Variants in RAB3GAP1 observed in about 807,000 individuals in gnomAD.
The protein encoded by RAB3GAP1 is RAB3 GTPase activating protein catalytic subunit 1, also known as rab3 GTPase-activating protein catalytic subunit.
In RAB3GAP1, 86 loss-of-function variants were observed where a neutral mutation model predicts 130.7. The ratio of observed to expected loss-of-function variants is 0.66; its 90% CI spans 0.55 to 0.79. RAB3GAP1 has a LOEUF of 0.79. Ranked by LOEUF, RAB3GAP1 falls within the 30% of genes least tolerant of loss-of-function variation. RAB3GAP1 has a pLI of 0.00. For synonymous variants in RAB3GAP1, 367 were observed against 401.7 expected (o/e 0.91, Z 1.03); for missense variants, 1,029 against 1,169.4 (o/e 0.88, Z 1.75).
intron 19 of RAB3GAP1, among the ~76,000 whole-genome samples, chr2:135,154,137 G>A (rs1558802073): frequency 6.6e-6 from 1 of 152,158 alleles, no homozygotes; most frequent in East Asian, 1.9e-4. Flanking sequence ...TTAAAAATGG[G>A]TATGTCCTTT....
chr2:135,112,347 G>T (rs991961939), intron 5 of RAB3GAP1, among the ~76,000 whole-genome samples: 3 of 152,214 alleles, frequency 2.0e-5, no homozygotes, highest in Admixed American at 1.3e-4. Flanking sequence ...TTAGTTAAGG[G>T]TTCAAAGGCA....
intron 11 of RAB3GAP1, among the ~76,000 whole-genome samples, chr2:135,127,187 C>CTT (rs528853214): frequency 3.0e-5 from 4 of 133,534 alleles, no homozygotes; most frequent in Admixed American, 7.5e-5. Flanking sequence ...GATGCTTTTT[C>CTT]TTTTTTTTTT....
intron 17 of RAB3GAP1, among the ~76,000 whole-genome samples, chr2:135,146,971 AACACACACACAC>A (rs34094441): frequency 3.2e-4 from 47 of 147,530 alleles, no homozygotes; most frequent in Admixed American, 2.6e-3. Context: ...AGGGGGTATA[AACACACACACAC>A]ACACACACAC....
intron 5 of RAB3GAP1, among the ~76,000 whole-genome samples, chr2:135,105,452 T>C (rs916266995): frequency 5.9e-5 from 9 of 152,198 alleles, no homozygotes; most frequent in African/African-American, 2.2e-4. Flanking sequence ...CGGGCTGGTC[T>C]CCAGCTCCTA....
intron 3 of RAB3GAP1, among the ~76,000 whole-genome samples, chr2:135,060,350 C>A (rs1287233868): frequency 6.6e-6 from 1 of 150,828 alleles, no homozygotes; most frequent in African/African-American, 2.4e-5. Context: ...ACCTCCACCT[C>A]CCGGGTTCAA....
chr2:135,150,387 G>A lies in RAB3GAP1; in HGVS notation c.1942G>A (p.Glu648Lys). 2 of 1,614,200 alleles carry A rather than the reference G, an allele frequency of 1.2e-6. No individual in the cohort carries two copies. The highest frequency in any genetic ancestry group is 1.7e-6 in the Non-Finnish European group (2 of 1,180,028). ...TTCACAGGAACCAGCACCTATGACAGAAGATCTGCTAGAAGAGCAGTCTGA... is the reference window on the plus strand; with the variant it reads ...TTCACAGGAACCAGCACCTATGACAAAAGATCTGCTAGAAGAGCAGTCTGA... The part of the protein sequence containing the change: ...PVTQEPAPMT[E>K]DLLEEQSEVL... Residue 648 changes from glutamate to lysine, a missense_variant, in exon 18 of 24, where the codon GAA (glutamate) becomes AAA (lysine). Physicochemically the swap from Glu to Lys is moderately conservative, Grantham distance 56. Coordinates refer to ENST00000264158, the MANE Select transcript of RAB3GAP1 (RefSeq NM_012233.3).
At chr2:135,175,070 G>A (rs1395284510), downstream of RAB3GAP1, among the ~76,000 whole-genome samples, 1 of 152,198 alleles carries the variant, frequency 6.6e-6, no homozygotes, top group Non-Finnish European at 1.5e-5. Context: ...CACAAGCAAT[G>A]GCCTGTCCTC....
intron 8 of RAB3GAP1, 116 bp from the exon 9 acceptor site, chr2:135,124,047 CTT>C (rs1691275010): frequency 2.1e-6 from 2 of 956,174 alleles, no homozygotes; most frequent in Admixed American, 4.1e-5. Context: ...AACTTGCTAA[CTT>C]GCTACATGTG....
At chr2:135,141,818 C>T (rs1049099945) in intron 17 of RAB3GAP1, among the ~76,000 whole-genome samples, 2 of 152,140 alleles carry the variant, frequency 1.3e-5, no homozygotes, top group African/African-American at 4.8e-5. Context: ...CTGCCTTTTC[C>T]CATTGAGTGG....
In RAB3GAP1 at chr2:135,064,171, T is replaced by TA. The variant is rs1398035830; in HGVS notation, c.150+6086dup. ...GCCATCTGACTATGATGTGCACAGATACGTTTTCTTTGTATTTTTGCTGCA... is the reference window on the plus strand; with the variant it reads ...GCCATCTGACTATGATGTGCACAGATAACGTTTTCTTTGTATTTTTGCTGCA... On this transcript the variant is annotated intron_variant, in intron 3 of 23. Coordinates refer to ENST00000264158, the MANE Select transcript of RAB3GAP1 (RefSeq NM_012233.3). Among the ~76,000 whole-genome samples, 8 of 152,290 alleles carry TA rather than the reference T, an allele frequency of 5.3e-5. No individual in the cohort carries two copies. The East Asian group carries it at 1.3e-3, about 26-fold the overall frequency.
chr2:135,052,572 A>T, intron 2 of RAB3GAP1, 87 bp downstream of exon 2: 1 of 1,459,890 alleles, frequency 6.8e-7, no homozygotes, highest in South Asian at 1.1e-5. Context: ...ACCACAAGTG[A>T]CGCCACTTGT....
intron 5 of RAB3GAP1, among the ~76,000 whole-genome samples, chr2:135,097,172 A>G (rs538840058): frequency 1.5e-4 from 23 of 148,950 alleles, no homozygotes; most frequent in African/African-American, 4.7e-4. Context: ...AAAAAGCCCT[A>G]TTGTCCCTTT....
At position 135,118,998 on chromosome 2, in the gene RAB3GAP1, C is replaced by T. The variant is rs377398159; in HGVS notation, c.649-1821C>T. ...CGCCTTCCACACCTCAAGGCATGTG[C>T]CTTGAACCCCACTTATCCTCCAGGG... On this transcript the variant is annotated intron_variant, in intron 7 of 23. Transcript: ENST00000264158. 1.1e-4 allele frequency among the ~76,000 whole-genome samples: 16 copies of T among 152,226 alleles called. No individual in the cohort carries two copies. In the South Asian group the frequency reaches 3.3e-3, roughly 32 times the overall value.
chr2:135,102,383 T>G (rs775722274), intron 5 of RAB3GAP1, among the ~76,000 whole-genome samples: 6 of 152,242 alleles, frequency 3.9e-5, no homozygotes, highest in Non-Finnish European at 7.3e-5. Context: ...GAGACCTGTT[T>G]CAGACTTCTG....
At chr2:135,062,476 A>C (rs994597995) in intron 3 of RAB3GAP1, among the ~76,000 whole-genome samples, 1 of 152,214 alleles carries the variant, frequency 6.6e-6, no homozygotes, top group Non-Finnish European at 1.5e-5. Flanking sequence ...TGTTAATGTA[A>C]ATTCTCCATT....
At chr2:135,121,745 A>T (rs779211433) in intron 8 of RAB3GAP1, among the ~76,000 whole-genome samples, 1 of 152,218 alleles carries the variant, frequency 6.6e-6, no homozygotes, top group Non-Finnish European at 1.5e-5. Context: ...TGTTCCAAAT[A>T]GTTGGCTATT....
chr2:135,142,863 C>A (rs1691882673), intron 17 of RAB3GAP1, among the ~76,000 whole-genome samples: 1 of 150,956 alleles, frequency 6.6e-6, no homozygotes, highest in South Asian at 2.1e-4. Flanking sequence ...CTTGGGCTTT[C>A]CCTTTTTATA....
intron 5 of RAB3GAP1, among the ~76,000 whole-genome samples, chr2:135,112,408 A>G (rs1048760545): frequency 3.9e-5 from 6 of 152,226 alleles, no homozygotes; most frequent in African/African-American, 1.2e-4. Context: ...GCTGAAAGAG[A>G]AACACTTTGG....
In RAB3GAP1 at chr2:135,090,652, T is replaced by A. The variant is rs115992621; in HGVS notation, c.151-346T>A. Among the ~76,000 whole-genome samples, 477 of 152,348 alleles carry A rather than the reference T, an allele frequency of 3.1e-3. 5 individuals carry two copies. The highest frequency in any genetic ancestry group is 5.8e-3 in the South Asian group (28 of 4,826). ...TGCCACTTAAATTGATTGTGCAGACTGCTTCTTTATGAAGCAATTTCTGGT... is the reference window on the plus strand; with the variant it reads ...TGCCACTTAAATTGATTGTGCAGACAGCTTCTTTATGAAGCAATTTCTGGT... On this transcript the variant is annotated intron_variant, in intron 3 of 23. Transcript: ENST00000264158.
Sources: gnomAD v4.1 joint callset for allele counts (sites outside exome capture counted in the v4.1 genomes callset) on GRCh38, gnomAD v4.1.1 for gene constraint, MANE v1.5 for transcripts, NCBI Gene and HGNC (gene_info 2026-07-23, HGNC 2026-07-21) for gene names.